Variants in TIAM1 observed in about 807,000 individuals in gnomAD.
TIAM1 encodes the protein TIAM Rac1 associated GEF 1, also known as rho guanine nucleotide exchange factor TIAM1.
In TIAM1, 65 loss-of-function variants were observed where a neutral mutation model predicts 163.5. The ratio of observed to expected loss-of-function variants is 0.40; its 90% confidence interval spans 0.33 to 0.49. TIAM1 has a LOEUF of 0.49. Among genes scored for constraint, TIAM1 ranks in the 20% least tolerant of loss-of-function variants. The pLI is 0.77. For synonymous variants in TIAM1, 833 were observed against 810.1 expected, an observed-to-expected ratio of 1.03 and a Z score of -0.48; for missense variants, 1,789 against 2,044.7, an observed-to-expected ratio of 0.87 and a Z score of 2.41.
chr21:31,454,583 C>T (rs1233962515), intron 2 of TIAM1, among the ~76,000 whole-genome samples: 3 of 152,078 alleles, frequency 2.0e-5, no homozygotes, highest in Admixed American at 6.6e-5. Context: ...AACAGCAGCC[C>T]AGCACGCGTG....
intron 2 of TIAM1, among the ~76,000 whole-genome samples, chr21:31,399,548 AAGTTTCTATTGCTCAC>A (rs1240412903): frequency 6.6e-6 from 1 of 152,142 alleles, no homozygotes; most frequent in Non-Finnish European, 1.5e-5. Flanking sequence ...CTTGCCCCAA[AAGTTTCTATTGCTCAC>A]AGCAAAGGTT....
Position 31,223,460 on chromosome 21 carries a change from C to T in TIAM1, c.1941G>A (p.Thr647=), listed in dbSNP as rs143304426. The change falls in exon 8 of 28, where the codon ACG becomes ACA. Residue 647 remains threonine, a synonymous_variant. Transcript: ENST00000541036. Reference sequence around the variant, plus strand: ...TTCCAAGGCGGCCCATGGCCACTTTCGTTGGTCGACTTGCAAAAGCGAGAA... The same window carrying T: ...TTCCAAGGCGGCCCATGGCCACTTTTGTTGGTCGACTTGCAAAAGCGAGAA... ...KRLLAFASRP[T]KVAMGRLGIF... 8.3e-5 allele frequency: 134 copies of T among 1,613,960 alleles called. No homozygotes were observed. In the African/African-American group the frequency reaches 1.5e-3, roughly 18 times the overall value.
chr21:31,420,685 T>C (rs2043536125), intron 2 of TIAM1, among the ~76,000 whole-genome samples: 1 of 152,192 alleles, frequency 6.6e-6, no homozygotes, highest in South Asian at 2.1e-4. Flanking sequence ...AGAATTGCTT[T>C]CAGAACTCAA....
chr21:31,466,806 ACAT>A (rs963967456), intron 1 of TIAM1, among the ~76,000 whole-genome samples: 1 of 152,192 alleles, frequency 6.6e-6, no homozygotes, highest in African/African-American at 2.4e-5. Context: ...CCGTTTCTAA[ACAT>A]CAAGCTACCG....
At chr21:31,310,265 C>T (rs1276515373) in intron 2 of TIAM1, among the ~76,000 whole-genome samples, 1 of 152,082 alleles carries the variant, frequency 6.6e-6, no homozygotes, top group Non-Finnish European at 1.5e-5. Context: ...CCCTGCACAC[C>T]AAATGCAGAG....
chr21:31,485,491 G>A (rs1401480785), intron 1 of TIAM1, among the ~76,000 whole-genome samples: 5 of 152,158 alleles, frequency 3.3e-5, no homozygotes, highest in African/African-American at 9.7e-5. Flanking sequence ...AGAGTGTGGA[G>A]AGAGGAGGCA....
chr21:31,260,491 G>C (rs570930413), intron 4 of TIAM1, among the ~76,000 whole-genome samples: 1 of 151,372 alleles, frequency 6.6e-6, no homozygotes, highest in African/African-American at 2.4e-5. Context: ...TGCCCACCTC[G>C]GCCTCCTGAA....
chr21:31,345,104 A>C (rs751441015), upstream of TIAM1, among the ~76,000 whole-genome samples: 4 of 152,226 alleles, frequency 2.6e-5, no homozygotes, highest in Non-Finnish European at 5.9e-5. Context: ...TGGCTGGTTA[A>C]AGAGAATGAA....
At chr21:31,447,396 A>G (rs2044667214) in intron 2 of TIAM1, among the ~76,000 whole-genome samples, 1 of 152,130 alleles carries the variant, frequency 6.6e-6, no homozygotes, top group African/African-American at 2.4e-5. Flanking sequence ...TGTTCATGCC[A>G]CTGCACTCCA....
chr21:31,361,129 G>A (rs2076399339), intron 2 of TIAM1, among the ~76,000 whole-genome samples: 1 of 152,152 alleles, frequency 6.6e-6, no homozygotes, highest in African/African-American at 2.4e-5. Flanking sequence ...ATGATCACCA[G>A]CAGTAGAATG....
intron 2 of TIAM1, among the ~76,000 whole-genome samples, chr21:31,451,334 T>C (rs1473682366): frequency 1.3e-5 from 2 of 152,216 alleles, no homozygotes; most frequent in Admixed American, 6.5e-5. Flanking sequence ...CATGTTTGAT[T>C]AATATTATCA....
At chr21:31,373,842 T>C (rs1419875534) in intron 2 of TIAM1, among the ~76,000 whole-genome samples, 1 of 152,092 alleles carries the variant, frequency 6.6e-6, no homozygotes, top group Non-Finnish European at 1.5e-5. Flanking sequence ...TCCCCCATCG[T>C]TTAAATCAAA....
chr21:31,339,207 C>T (rs962476163), intron 2 of TIAM1, 36 bp downstream of exon 2: 8 of 397,302 alleles, frequency 2.0e-5, no homozygotes, highest in Non-Finnish European at 3.5e-5. Context: ...AAGCTTCAAT[C>T]CTCATTCCCC....
chr21:31,543,043 G>A (rs1265202538), intron 1 of TIAM1, among the ~76,000 whole-genome samples: 5 of 152,096 alleles, frequency 3.3e-5, no homozygotes, highest in South Asian at 4.1e-4. Flanking sequence ...ATATCGGTGC[G>A]ATGTTTTTCT....
intron 2 of TIAM1, among the ~76,000 whole-genome samples, chr21:31,285,276 C>T (rs544320042): frequency 8.6e-5 from 13 of 152,006 alleles, no homozygotes; most frequent in Admixed American, 5.2e-4. Flanking sequence ...GTGGGGGGGG[C>T]GGTGAGGCCA....
At chr21:31,447,726 G>A (rs568949) in intron 2 of TIAM1, among the ~76,000 whole-genome samples, 44,209 of 152,030 alleles carry the variant, frequency 0.29, 6,724 homozygotes, top group African/African-American at 0.37. Context: ...ACAGTGACCA[G>A]GGATGAGTGC....
chr21:31,462,562 A>G (rs558901412), intron 2 of TIAM1, among the ~76,000 whole-genome samples: 1 of 152,242 alleles, frequency 6.6e-6, no homozygotes, highest in South Asian at 2.1e-4. Context: ...TTACTTCTGC[A>G]CCAATCTAAT....
At chr21:31,499,224 G>T (rs545982356) in intron 1 of TIAM1, among the ~76,000 whole-genome samples, 18 of 151,974 alleles carry the variant, frequency 1.2e-4, no homozygotes, top group African/African-American at 4.3e-4. Context: ...ATCTCCCTGG[G>T]GTGCTATGAA....
At chr21:31,384,184 AG>A (rs1294664147) in intron 2 of TIAM1, among the ~76,000 whole-genome samples, 6 of 152,116 alleles carry the variant, frequency 3.9e-5, no homozygotes, top group Non-Finnish European at 7.4e-5. Flanking sequence ...TGAACAAATA[AG>A]GCAATTAAGA....
Sources: gnomAD v4.1 joint callset for allele counts (sites outside exome capture counted in the v4.1 genomes callset) on GRCh38, gnomAD v4.1.1 for gene constraint, MANE v1.5 for transcripts, NCBI Gene and HGNC (gene_info 2026-07-23, HGNC 2026-07-21) for gene names.